MYLK4: variants seen among roughly 807,000 people sequenced by gnomAD.
MYLK4 encodes the protein caMLCK like.
MYLK4 carries 46 observed loss-of-function variants against 48.1 expected under a neutral mutation model. The observed-to-expected ratio is 0.96, with a 90% CI of 0.75 to 1.22. MYLK4 has a LOEUF of 1.22. Among genes scored for constraint, MYLK4 ranks in the 50% most tolerant of loss-of-function variants. The pLI is 0.00. For synonymous variants in MYLK4, 170 were observed against 180.8 expected, an observed-to-expected ratio of 0.94 and a Z score of 0.48; for missense variants, 451 against 486.1, an observed-to-expected ratio of 0.93 and a Z score of 0.68.
intron 2 of MYLK4, among the ~76,000 whole-genome samples, chr6:2,730,798 C>T (rs1582108415): frequency 1.3e-5 from 2 of 151,912 alleles, no homozygotes; most frequent in African/African-American, 4.8e-5. Flanking sequence ...TTCCAGGAAA[C>T]GAGTTTTAAA....
intron 12 of MYLK4, among the ~76,000 whole-genome samples, chr6:2,670,368 A>AAAAC (rs10612556): frequency 0.14 from 21,156 of 150,668 alleles, 1,692 homozygotes; most frequent in East Asian, 0.27. Context: ...TCTATCTCAA[A>AAAAC]AAACAAACAA....
chr6:2,739,293 A>G (rs890359869), intron 2 of MYLK4, among the ~76,000 whole-genome samples: 1 of 152,338 alleles, frequency 6.6e-6, no homozygotes, highest in African/African-American at 2.4e-5. Flanking sequence ...TGGCTCAGTA[A>G]TGATTTGCTG....
At chr6:2,759,089 T>G in the MYLK4 span, among the ~76,000 whole-genome samples, 12 of 152,230 alleles carry the variant, frequency 7.9e-5, no homozygotes, top group Non-Finnish European at 1.5e-4. Context: ...AAATTTCATT[T>G]CTCTTACTAA....
At chr6:2,699,700 T>C (rs560607546) in intron 2 of MYLK4, among the ~76,000 whole-genome samples, 59 of 152,282 alleles carry the variant, frequency 3.9e-4, no homozygotes, top group Non-Finnish European at 7.3e-4. Context: ...CAAAACTTTT[T>C]ATAAATATAC....
At chr6:2,694,574 G>GGTGA (rs1761978683) in intron 2 of MYLK4, among the ~76,000 whole-genome samples, 1 of 133,334 alleles carries the variant, frequency 7.5e-6, no homozygotes, top group African/African-American at 2.9e-5. Flanking sequence ...TAGTGGTAGT[G>GGTGA]CTGCTGGTGG....
rs1385007584 is a variant in MYLK4, at chr6:2,667,519, A to C, written c.*406T>G. 1 of 152,294 alleles carries C rather than the reference A, an allele frequency of 6.6e-6. No homozygotes were observed. Among genetic ancestry groups the C allele is most frequent in the Non-Finnish European group, 1.5e-5 (1 of 68,028 alleles). 9.4% of individuals were successfully genotyped at this position (152,294 alleles called of 1,614,324 possible). On this transcript the variant is annotated 3_prime_UTR_variant, in exon 13 of 13. Coordinates refer to ENST00000274643, the MANE Select transcript of MYLK4 (RefSeq NM_001012418.5). The stretch of plus-strand genomic sequence containing the variant: ...GCTGGAAGTAGCTTTCTCCCTCTAA[A>C]TGCATCCTCCAGTTTTAAAATCTCC...
At chr6:2,709,725 C>T (rs79509500) in intron 2 of MYLK4, among the ~76,000 whole-genome samples, 2,106 of 152,328 alleles carry the variant, frequency 0.014, 23 homozygotes, top group Non-Finnish European at 0.021. Flanking sequence ...AATGTACGAT[C>T]TCTCTAATTT....
In MYLK4 at chr6:2,664,782, ATGAG is replaced by A. The variant is rs1760581392; in HGVS notation, c.*3139_*3142del. On this transcript the variant is annotated 3_prime_UTR_variant, in exon 13 of 13. Transcript: ENST00000274643. ...AACAAACTTATGGCACTCAACAGAC[ATGAG>A]TGTTACCAGCTTCAACCTAGAAATT... The A allele has an allele frequency of 6.6e-6, 1 of 152,242 alleles. No individual in the cohort carries two copies. Among genetic ancestry groups the A allele is most frequent in the South Asian group, 2.1e-4 (1 of 4,836 alleles). The allele number at this position is 152,242 out of a possible 1,614,324, so 9.4% of individuals were successfully genotyped here.
intron 12 of MYLK4, among the ~76,000 whole-genome samples, chr6:2,668,681 G>A (rs62389607): frequency 0.15 from 23,575 of 152,116 alleles, 2,363 homozygotes; most frequent in East Asian, 0.44. Context: ...GAATATTATC[G>A]TGAAGAATAA....
chr6:2,745,072 G>T (rs1255820870), intron 2 of MYLK4, among the ~76,000 whole-genome samples: 1 of 152,174 alleles, frequency 6.6e-6, no homozygotes. Context: ...GAGGAGGAGA[G>T]CACAGACAAC....
rs555131919 is a variant in MYLK4 at position 2,663,982 on chromosome 6, T to C, written c.*3943A>G. 8 of 152,310 alleles carry C rather than the reference T, an allele frequency of 5.3e-5. No homozygotes were observed. Among genetic ancestry groups the C allele is most frequent in the Non-Finnish European group, 7.4e-5 (5 of 68,026 alleles). The allele number at this position is 152,310 out of a possible 1,614,324, so 9.4% of individuals were successfully genotyped here. A position where few individuals can be genotyped will look rare whatever the true frequency, so the allele number is the denominator to read the frequency against. On this transcript the variant is annotated 3_prime_UTR_variant, in exon 13 of 13. Coordinates refer to ENST00000274643, the MANE Select transcript of MYLK4 (RefSeq NM_001012418.5). ...AAACTGCCCATAGAAAGACCACTTA[T>C]ACAAAGCACAGCGCACTAAAATGGA...
intron 2 of MYLK4, among the ~76,000 whole-genome samples, chr6:2,736,180 T>C (rs145036878): frequency 1.1e-4 from 17 of 152,358 alleles, no homozygotes; most frequent in Admixed American, 2.0e-4. Context: ...TAAATAATAA[T>C]ACTGTTACAG....
chr6:2,763,492 T>C, the MYLK4 span, among the ~76,000 whole-genome samples: 46,963 of 152,132 alleles, frequency 0.31, 7,430 homozygotes, highest in East Asian at 0.4. Flanking sequence ...AACTACGGCC[T>C]GGCGAGAAGT....
chr6:2,749,115 A>G (rs1764196084), intron 2 of MYLK4, 21 bp downstream of exon 2: 1 of 1,606,846 alleles, frequency 6.2e-7, no homozygotes, highest in East Asian at 2.2e-5. Context: ...TTTTTAGGAG[A>G]CTAAATTAGA....
intron 11 of MYLK4, 82 bp from the exon 12 acceptor site, chr6:2,671,430 T>C: frequency 1.5e-6 from 2 of 1,314,408 alleles, no homozygotes; most frequent in Non-Finnish European, 2.2e-6. Flanking sequence ...GAAAAGACAA[T>C]CACTTGCTAC....
In MYLK4 at chr6:2,701,685, C is replaced by T. The variant is rs539625697; in HGVS notation, c.160-8826G>A. ...GTTATGACTGTCCCCAACATTTAGT[C>T]GCCTGGTCCAGTCTATGCAAAGTGG... On this transcript the variant is annotated intron_variant, in intron 2 of 12. Coordinates refer to ENST00000274643, the MANE Select transcript of MYLK4 (RefSeq NM_001012418.5). 1.7e-4 allele frequency among the ~76,000 whole-genome samples: 26 copies of T among 152,318 alleles called. No individual in the cohort carries two copies. The East Asian group carries it at 4.2e-3, about 25-fold the overall frequency.
At chr6:2,670,731 G>C (rs902149990) in intron 12 of MYLK4, among the ~76,000 whole-genome samples, 1 of 152,092 alleles carries the variant, frequency 6.6e-6, no homozygotes, top group Admixed American at 6.5e-5. Flanking sequence ...CTTTGGGCTC[G>C]TAGAGCAGGC....
chr6:2,692,543 GC>G (rs1202273614), intron 3 of MYLK4, among the ~76,000 whole-genome samples: 2 of 141,420 alleles, frequency 1.4e-5, no homozygotes, highest in Non-Finnish European at 3.0e-5. Flanking sequence ...GCAGATATAA[GC>G]TTTTAAAAGC....
intron 2 of MYLK4, among the ~76,000 whole-genome samples, chr6:2,709,323 C>A (rs1011766264): frequency 2.0e-5 from 3 of 152,222 alleles, no homozygotes; most frequent in African/African-American, 7.2e-5. Flanking sequence ...CTTAACACTC[C>A]ATATTAGCTT....
Sources: gnomAD v4.1 joint callset for allele counts (sites outside exome capture counted in the v4.1 genomes callset) on GRCh38, gnomAD v4.1.1 for gene constraint, MANE v1.5 for transcripts, NCBI Gene and HGNC (gene_info 2026-07-23, HGNC 2026-07-21) for gene names.